Variants in NMBR observed in about 807,000 individuals in gnomAD.
The protein encoded by NMBR is neuromedin B receptor.
NMBR carries 16 observed loss-of-function variants against 20.5 expected under a neutral mutation model. The ratio of observed to expected loss-of-function variants is 0.78; its 90% CI spans 0.53 to 1.19. The LOEUF is 1.19. Among genes scored for constraint, NMBR ranks in the 50% most tolerant of loss-of-function variants. The probability of loss-of-function intolerance (pLI) is 0.00; values close to 1 mark genes in which losing one functional copy is unlikely to be tolerated. For missense variants in NMBR, 582 were observed against 499.1 expected, an observed-to-expected ratio of 1.17 and a Z score of -1.58; for synonymous variants, 212 against 196.6, an observed-to-expected ratio of 1.08 and a Z score of -0.65.
chr6:142,077,775 T>G (rs1261847650), intron 3 of NMBR, among the ~76,000 whole-genome samples: 1 of 152,198 alleles, frequency 6.6e-6, no homozygotes, highest in Non-Finnish European at 1.5e-5. Context: ...CGGTAACTAC[T>G]CTGTACCTGC....
At chr6:142,135,550 T>C (rs1191715185) in intron 1 of NMBR, among the ~76,000 whole-genome samples, 2 of 151,364 alleles carry the variant, frequency 1.3e-5, no homozygotes, top group East Asian at 3.9e-4. Flanking sequence ...AATGTGCAGG[T>C]TAGTTACATA....
intron 1 of NMBR, among the ~76,000 whole-genome samples, chr6:142,108,022 T>C (rs888330713): frequency 4.6e-5 from 7 of 151,770 alleles, no homozygotes; most frequent in Admixed American, 3.9e-4. Context: ...AGAGATTATA[T>C]AATCTGAAAA....
chr6:142,111,176 G>A (rs1373058888), intron 1 of NMBR, among the ~76,000 whole-genome samples: 1 of 151,648 alleles, frequency 6.6e-6, no homozygotes, highest in Non-Finnish European at 1.5e-5. Context: ...GGAGGCAGAG[G>A]TTGCAGTGAG....
intron 1 of NMBR, among the ~76,000 whole-genome samples, chr6:142,097,711 TA>T (rs1366537476): frequency 6.6e-6 from 1 of 151,898 alleles, no homozygotes; most frequent in Non-Finnish European, 1.5e-5. Flanking sequence ...TAATTATATC[TA>T]AAAATAAGGA....
At chr6:142,116,238 A>ACCC (rs764326439) in intron 1 of NMBR, among the ~76,000 whole-genome samples, 2 of 151,720 alleles carry the variant, frequency 1.3e-5, no homozygotes, top group Non-Finnish European at 2.9e-5. Context: ...CTAAAACAAT[A>ACCC]CCCCTTCTTC....
In NMBR at chr6:142,147,099, T is replaced by C. The variant is rs1162122742; in HGVS notation, c.-719A>G. On this transcript the variant is annotated 5_prime_UTR_variant, in exon 1 of 4. Transcript: ENST00000258042. ...TAAGCGCCAAAATGCTCGGGTCTTC[T>C]GTGGGTTCTAACCGCCGAGAGCCAA... The C allele has an allele frequency of 1.2e-5, 7 of 604,412 alleles. No homozygotes were observed. The highest frequency in any genetic ancestry group is 9.0e-4 in the Middle Eastern group (2 of 2,230). The allele number at this position is 604,412 out of a possible 1,614,324, so 37.4% of individuals were successfully genotyped here.
chr6:142,084,916 T>C (rs1178210777), intron 2 of NMBR, among the ~76,000 whole-genome samples: 2 of 152,216 alleles, frequency 1.3e-5, no homozygotes, highest in Admixed American at 1.3e-4. Flanking sequence ...TTTGTGTGTA[T>C]GTGTGTATGT....
At chr6:142,133,416 T>G (rs766359277) in intron 1 of NMBR, among the ~76,000 whole-genome samples, 2 of 152,126 alleles carry the variant, frequency 1.3e-5, no homozygotes, top group African/African-American at 2.4e-5. Context: ...CTCTCTCAAT[T>G]CCCTAATTAA....
intron 1 of NMBR, among the ~76,000 whole-genome samples, chr6:142,113,495 C>T (rs1056787950): frequency 3.3e-5 from 5 of 152,062 alleles, no homozygotes; most frequent in Admixed American, 2.0e-4. Flanking sequence ...AAGAGATGTT[C>T]CTCTCACAAG....
intron 1 of NMBR, among the ~76,000 whole-genome samples, chr6:142,132,114 CCT>C (rs1778153544): frequency 1.3e-5 from 2 of 152,114 alleles, no homozygotes; most frequent in African/African-American, 2.4e-5. Flanking sequence ...AACACTGTCC[CCT>C]GTTTATTGGT....
intron 1 of NMBR, among the ~76,000 whole-genome samples, chr6:142,141,176 G>A (rs896368352): frequency 6.6e-6 from 1 of 152,052 alleles, no homozygotes; most frequent in Non-Finnish European, 1.5e-5. Flanking sequence ...TCATTTGCTG[G>A]CCCATAAGAA....
chr6:142,125,344 G>A (rs554354515), intron 1 of NMBR, among the ~76,000 whole-genome samples: 3 of 151,530 alleles, frequency 2.0e-5, no homozygotes, highest in Non-Finnish European at 4.4e-5. Context: ...AGCCAAGACA[G>A]TTTGTGACCA....
intron 1 of NMBR, among the ~76,000 whole-genome samples, chr6:142,144,561 T>C (rs566091530): frequency 6.6e-6 from 1 of 152,294 alleles, no homozygotes; most frequent in East Asian, 1.9e-4. Context: ...TGATGTCAGA[T>C]CCTTCAGAAA....
At position 142,075,251 on chromosome 6, in the gene NMBR, A is replaced by C. The variant is rs1394579470; in HGVS notation, c.*397T>G. Among the ~76,000 whole-genome samples the C allele has an allele frequency of 1.3e-5, 2 of 152,138 alleles. No homozygotes were observed. Among genetic ancestry groups the C allele is most frequent in the Non-Finnish European group, 2.9e-5 (2 of 68,006 alleles). On this transcript the variant is annotated 3_prime_UTR_variant, in exon 4 of 4. Transcript: ENST00000258042. ...AATATAGAAATTTATTTCATGCTTC[A>C]AGATAAAACAAAACCTAAGACAAAT...
chr6:142,139,415 C>T (rs759925550), intron 1 of NMBR, among the ~76,000 whole-genome samples: 6 of 152,100 alleles, frequency 3.9e-5, no homozygotes, highest in Non-Finnish European at 7.3e-5. Flanking sequence ...CCTTTTGATC[C>T]TTTCAATTAG....
intron 1 of NMBR, among the ~76,000 whole-genome samples, chr6:142,130,142 A>C (rs1200431306): frequency 6.6e-6 from 1 of 152,016 alleles, no homozygotes; most frequent in Non-Finnish European, 1.5e-5. Flanking sequence ...GTACCCCAAT[A>C]ATTTTCTGAG....
chr6:142,131,810 C>T (rs75106325), intron 1 of NMBR, among the ~76,000 whole-genome samples: 2,125 of 152,176 alleles, frequency 0.014, 55 homozygotes, highest in African/African-American at 0.048. Context: ...TTCTATACAC[C>T]CCTGAAAGGA....
At chr6:142,090,646 G>A (rs865938107) in intron 1 of NMBR, among the ~76,000 whole-genome samples, 84 of 150,958 alleles carry the variant, frequency 5.6e-4, no homozygotes, top group Middle Eastern at 3.6e-3. Flanking sequence ...AAGAGGAAAA[G>A]AGAGCAAGGA....
At chr6:142,107,344 C>T (rs1458210400) in intron 1 of NMBR, among the ~76,000 whole-genome samples, 1 of 152,088 alleles carries the variant, frequency 6.6e-6, no homozygotes, top group Admixed American at 6.6e-5. Flanking sequence ...GCCCCCAAGG[C>T]ACTACTAAAA....
Sources: allele counts gnomAD v4.1 joint callset (sites outside exome capture counted in the v4.1 genomes callset), GRCh38; gene constraint gnomAD v4.1.1; transcripts MANE v1.5; gene names NCBI Gene and HGNC (gene_info 2026-07-23, HGNC 2026-07-21).